Variants in ZNF385D observed in about 807,000 individuals in gnomAD.
ZNF385D encodes the protein zinc finger protein 659.
A neutral mutation model predicts 35.8 loss-of-function variants in ZNF385D; 15 were observed. The ratio of observed to expected loss-of-function variants is 0.42; its 90% CI spans 0.28 to 0.64. The LOEUF (loss-of-function observed/expected upper bound fraction) is 0.64. Among genes scored for constraint, ZNF385D ranks in the 30% least tolerant of loss-of-function variants. The pLI is 0.23. For synonymous variants in ZNF385D, 212 were observed against 186.8 expected, an observed-to-expected ratio of 1.13 and a Z score of -1.10; for missense variants, 474 against 494.6, an observed-to-expected ratio of 0.96 and a Z score of 0.39.
intron 3 of ZNF385D, among the ~76,000 whole-genome samples, chr3:21,989,177 C>CG (rs1386206192): frequency 1.3e-5 from 2 of 152,130 alleles, no homozygotes; most frequent in Non-Finnish European, 2.9e-5. Flanking sequence ...TTGGCTCCTC[C>CG]GACCCCATCT....
rs58214422 is a variant in ZNF385D, at chr3:22,279,639, T to TTA, written c.106+92809_106+92810dup. 1.4e-3 allele frequency among the ~76,000 whole-genome samples: 161 copies of TTA among 113,434 alleles called. 8 individuals carry two copies. The Middle Eastern group carries it at 0.017, about 12-fold the overall frequency. The allele number at this position is 113,434 out of a possible 152,430, so 74.4% of individuals were successfully genotyped here. On this transcript the variant is annotated intron_variant, in intron 2 of 5. Transcript: ENST00000494108. ...ACATATATGTATATGTGTGTATATT[T>TTA]TATATATATATATATGCACACACAC...
rs183303134 is a variant in ZNF385D, at chr3:22,001,929, T to C, written c.325+166888A>G. On this transcript the variant is annotated intron_variant, in intron 3 of 5. Transcript: ENST00000494108. ...TGGAAATATAACATACTAAATCCTA[T>C]GCAATACAACAAAAGCAGTAAGAGG... is the stretch of plus-strand genomic sequence containing the variant. 1.7e-3 allele frequency among the ~76,000 whole-genome samples: 254 copies of C among 152,024 alleles called. 4 individuals are homozygous for C. Among genetic ancestry groups the C allele is most frequent in the Admixed American group, 0.016 (241 of 15,282 alleles).
At chr3:21,730,572 G>A (rs747424722) in intron 1 of ZNF385D, among the ~76,000 whole-genome samples, 1 of 152,168 alleles carries the variant, frequency 6.6e-6, no homozygotes. Flanking sequence ...TAATGCTAAC[G>A]ATAGAGCAGT....
At chr3:22,253,169 C>T (rs547095043) in intron 2 of ZNF385D, among the ~76,000 whole-genome samples, 7 of 151,952 alleles carry the variant, frequency 4.6e-5, no homozygotes, top group East Asian at 1.9e-4. Context: ...ACACACCAAA[C>T]GAAATCACAT....
At chr3:22,211,754 AC>A (rs1443958455) in intron 2 of ZNF385D, among the ~76,000 whole-genome samples, 1 of 151,956 alleles carries the variant, frequency 6.6e-6, no homozygotes, top group Admixed American at 6.6e-5. Flanking sequence ...TCCTGGTGGT[AC>A]CTGACTGTCA....
chr3:21,630,882 A>G (rs2065262014), intron 2 of ZNF385D, among the ~76,000 whole-genome samples: 1 of 152,112 alleles, frequency 6.6e-6, no homozygotes, highest in Non-Finnish European at 1.5e-5. Context: ...CTTTTAAAGA[A>G]GAGGTAGGGG....
At chr3:21,533,029 G>A (rs1360068434) in intron 3 of ZNF385D, among the ~76,000 whole-genome samples, 1 of 152,126 alleles carries the variant, frequency 6.6e-6, no homozygotes, top group Admixed American at 6.6e-5. Flanking sequence ...CTATGAAGAT[G>A]GATATATAAT....
At chr3:22,003,454 T>C (rs569611279) in intron 3 of ZNF385D, among the ~76,000 whole-genome samples, 4 of 152,208 alleles carry the variant, frequency 2.6e-5, no homozygotes, top group Non-Finnish European at 5.9e-5. Context: ...AGACATCTTA[T>C]GCTCATGGAT....
chr3:22,287,080 G>T (rs189819795), intron 2 of ZNF385D, among the ~76,000 whole-genome samples: 2 of 152,008 alleles, frequency 1.3e-5, no homozygotes, highest in African/African-American at 2.4e-5. Context: ...ATGTATTTAC[G>T]ATTGCTATAT....
At chr3:21,709,485 G>GAAAAC (rs71044936) in intron 1 of ZNF385D, among the ~76,000 whole-genome samples, 73,852 of 150,052 alleles carry the variant, frequency 0.49, 18,371 homozygotes, top group Middle Eastern at 0.54. Context: ...AGGCTTCTAT[G>GAAAAC]AAAACAAAAC....
At chr3:21,967,859 C>A (rs1702997719) in intron 3 of ZNF385D, among the ~76,000 whole-genome samples, 1 of 152,112 alleles carries the variant, frequency 6.6e-6, no homozygotes, top group African/African-American at 2.4e-5. Flanking sequence ...TACAGGAGCA[C>A]CAAATTGATT....
chr3:21,921,678 C>G (rs966158880), intron 3 of ZNF385D, among the ~76,000 whole-genome samples: 1 of 102,816 alleles, frequency 9.7e-6, no homozygotes, highest in Non-Finnish European at 2.6e-5. Flanking sequence ...GAATATATGT[C>G]TTCAAAAGAT....
chr3:21,900,136 G>T (rs1699326840), intron 3 of ZNF385D, among the ~76,000 whole-genome samples: 1 of 152,010 alleles, frequency 6.6e-6, no homozygotes, highest in Non-Finnish European at 1.5e-5. Flanking sequence ...AAAAATCAAA[G>T]ATATGCCAAT....
In ZNF385D at chr3:21,452,501, A is replaced by G. The variant is rs565089891; in HGVS notation, c.440-15298T>C. The stretch of plus-strand genomic sequence containing the variant: ...GTAAAACTACCTCTATTCATAGATG[A>G]CATGATCTTGTACATAGAAAACCTT... On this transcript the variant is annotated intron_variant, in intron 4 of 7. Coordinates refer to ENST00000281523, the MANE Select transcript of ZNF385D (RefSeq NM_024697.3). Among the ~76,000 whole-genome samples the G allele has an allele frequency of 5.3e-5, 8 of 152,166 alleles. No individual in the cohort carries two copies. The East Asian group carries it at 1.4e-3, about 26-fold the overall frequency.
At chr3:21,686,756 T>C (rs1198889187) in intron 1 of ZNF385D, among the ~76,000 whole-genome samples, 2 of 152,204 alleles carry the variant, frequency 1.3e-5, no homozygotes, top group African/African-American at 4.8e-5. Flanking sequence ...TAATGTGCAA[T>C]AGTTTTTAAG....
intron 3 of ZNF385D, among the ~76,000 whole-genome samples, chr3:21,828,782 A>C (rs1279088845): frequency 2.7e-5 from 4 of 150,304 alleles, no homozygotes; most frequent in African/African-American, 9.7e-5. Flanking sequence ...AATTCAACGT[A>C]CTGGCAAGGC....
intron 3 of ZNF385D, among the ~76,000 whole-genome samples, chr3:21,900,013 G>C (rs377750306): frequency 1.3e-5 from 2 of 152,134 alleles, no homozygotes. Context: ...GGCAAGACAT[G>C]CTTTTCAACC....
At chr3:21,677,760 T>C (rs974918892) in intron 1 of ZNF385D, among the ~76,000 whole-genome samples, 7 of 152,032 alleles carry the variant, frequency 4.6e-5, no homozygotes, top group Non-Finnish European at 1.0e-4. Flanking sequence ...AGTTCATATA[T>C]ACATAGGCTG....
chr3:21,638,713 A>T (rs2065517669), intron 2 of ZNF385D, among the ~76,000 whole-genome samples: 1 of 152,154 alleles, frequency 6.6e-6, no homozygotes, highest in African/African-American at 2.4e-5. Context: ...CTCAATCAAG[A>T]AGTACATTGG....
Sources: gnomAD v4.1 joint callset for allele counts (sites outside exome capture counted in the v4.1 genomes callset) on GRCh38, gnomAD v4.1.1 for gene constraint, MANE v1.5 for transcripts, NCBI Gene and HGNC (gene_info 2026-07-23, HGNC 2026-07-21) for gene names.